The following PLXNA4 variants were observed in gnomAD, a reference collection of about 807,000 sequenced individuals.
PLXNA4 encodes the protein plexin-A4.
In PLXNA4, 44 loss-of-function variants were observed where a neutral mutation model predicts 191.8. The ratio of observed to expected loss-of-function variants is 0.23; its 90% CI spans 0.18 to 0.29. PLXNA4 has a LOEUF of 0.29. Among genes scored for constraint, PLXNA4 ranks in the 10% least tolerant of loss-of-function variants. The pLI is 1.00. For missense variants in PLXNA4, 1,800 were observed against 2,488.8 expected, an observed-to-expected ratio of 0.72 and a Z score of 5.89; for synonymous variants, 1,082 against 1,009.5, an observed-to-expected ratio of 1.07 and a Z score of -1.36.
At chr7:132,413,588 C>T (rs554600933) in intron 3 of PLXNA4, among the ~76,000 whole-genome samples, 9 of 152,188 alleles carry the variant, frequency 5.9e-5, no homozygotes, top group Admixed American at 3.3e-4. Flanking sequence ...GAAAACACAC[C>T]TAAGCAATTC....
rs1305295990 is a variant in PLXNA4 at position 132,210,811 on chromosome 7, G to A, written c.2298+132C>T. 2.2e-5 allele frequency: 22 copies of A among 1,008,896 alleles called. No homozygotes were observed. In the Admixed American group the frequency reaches 4.4e-4, roughly 20 times the overall value. The allele number at this position is 1,008,896 out of a possible 1,614,324, so 62.5% of individuals were successfully genotyped here. A position where few individuals can be genotyped will look rare whatever the true frequency, so the allele number is the denominator to read the frequency against. On this transcript the variant is annotated intron_variant, in intron 10 of 31. Transcript: ENST00000321063. ...CTGGGATGTGCCAGCAGGCATGGGG[G>A]AAGCAGGTAGGCAGTTTTGTGCGTG...
intron 4 of PLXNA4, among the ~76,000 whole-genome samples, chr7:132,256,867 G>C (rs1016587965): frequency 1.3e-5 from 2 of 152,162 alleles, no homozygotes; most frequent in African/African-American, 4.8e-5. Flanking sequence ...CAGGTGGAAG[G>C]CTATGGGGGC....
chr7:132,245,914 G>A (rs997767308), intron 4 of PLXNA4, among the ~76,000 whole-genome samples: 1 of 152,172 alleles, frequency 6.6e-6, no homozygotes, highest in African/African-American at 2.4e-5. Flanking sequence ...GTAGTACGGT[G>A]GTTGCCAGGG....
At chr7:132,315,671 T>A (rs574323812) in intron 3 of PLXNA4, among the ~76,000 whole-genome samples, 8 of 152,324 alleles carry the variant, frequency 5.3e-5, no homozygotes, top group South Asian at 2.1e-4. Context: ...ATGATTGACT[T>A]CTGTTCTGGT....
intron 1 of PLXNA4, among the ~76,000 whole-genome samples, chr7:132,558,851 C>T (rs1412686220): frequency 6.6e-6 from 1 of 152,160 alleles, no homozygotes; most frequent in African/African-American, 2.4e-5. Flanking sequence ...TAAAATGAAA[C>T]ATAAGAAGGT....
At chr7:132,545,246 T>C (rs757435132) in intron 1 of PLXNA4, among the ~76,000 whole-genome samples, 33 of 152,170 alleles carry the variant, frequency 2.2e-4, no homozygotes, top group Non-Finnish European at 4.0e-4. Context: ...CATGCTCCTG[T>C]GGGCAGCTTT....
chr7:132,516,940 G>A (rs1376991105), intron 1 of PLXNA4, among the ~76,000 whole-genome samples: 3 of 152,164 alleles, frequency 2.0e-5, no homozygotes, highest in Non-Finnish European at 2.9e-5. Flanking sequence ...CTGGGTGACA[G>A]AGCAAGACTC....
intron 2 of PLXNA4, among the ~76,000 whole-genome samples, chr7:132,621,044 C>G (rs980530000): frequency 1.3e-5 from 2 of 152,112 alleles, no homozygotes; most frequent in Non-Finnish European, 2.9e-5. Context: ...GGGCTCCACT[C>G]TCATGAGTAA....
At chr7:132,433,982 G>GCCCAT (rs1486676271) in intron 3 of PLXNA4, among the ~76,000 whole-genome samples, 1 of 152,190 alleles carries the variant, frequency 6.6e-6, no homozygotes, top group African/African-American at 2.4e-5. Context: ...ACCAGTGTCA[G>GCCCAT]CCCATCAATG....
chr7:132,193,643 A>G (rs897091258), intron 14 of PLXNA4, among the ~76,000 whole-genome samples: 2 of 152,238 alleles, frequency 1.3e-5, no homozygotes, highest in Non-Finnish European at 2.9e-5. Flanking sequence ...TCCTCATTTT[A>G]TAAATGAAGA....
rs1048442572 is a variant in PLXNA4, at chr7:132,124,851, T to C, written c.*5628A>G. ...ACAAACAGAAAGTTCTTTTTGTATA[T>C]GAAGGATTTTGTTTCGTTTTGTTTA... On this transcript the variant is annotated 3_prime_UTR_variant, in exon 32 of 32. Transcript: ENST00000321063. 4 of 152,258 alleles carry C rather than the reference T, an allele frequency of 2.6e-5. No individual in the cohort carries two copies. In the South Asian group the frequency reaches 6.2e-4, roughly 24 times the overall value. The allele number at this position is 152,258 out of a possible 1,614,324, so 9.4% of individuals were successfully genotyped here.
At chr7:132,251,220 C>A (rs912997181) in intron 4 of PLXNA4, among the ~76,000 whole-genome samples, 1 of 152,134 alleles carries the variant, frequency 6.6e-6, no homozygotes, top group Non-Finnish European at 1.5e-5. Flanking sequence ...ACATACAAGT[C>A]ACCAACCCCC....
At chr7:132,200,214 G>A (rs566284254) in intron 12 of PLXNA4, among the ~76,000 whole-genome samples, 3 of 152,278 alleles carry the variant, frequency 2.0e-5, no homozygotes, top group Admixed American at 6.5e-5. Context: ...TTAATTTGCC[G>A]TCTCCTCCCT....
In PLXNA4 at chr7:132,128,165, C is replaced by A. The variant is rs1794829606; in HGVS notation, c.*2314G>T. ...TTCCTCAGACCGTCTCCCACATGTA[C>A]CCTTTCTGGCCTTCCAGGTCCTGTG... On this transcript the variant is annotated 3_prime_UTR_variant, in exon 32 of 32. Transcript: ENST00000321063. 1 of 152,168 alleles carries A rather than the reference C, an allele frequency of 6.6e-6. No homozygotes were observed. The highest frequency in any genetic ancestry group is 1.5e-5 in the Non-Finnish European group (1 of 68,028). The allele number at this position is 152,168 out of a possible 1,614,324, so 9.4% of individuals were successfully genotyped here. A position where few individuals can be genotyped will look rare whatever the true frequency, so the allele number is the denominator to read the frequency against.
chr7:132,511,006 T>C (rs1798691714), intron 1 of PLXNA4, among the ~76,000 whole-genome samples: 1 of 148,560 alleles, frequency 6.7e-6, no homozygotes, highest in East Asian at 2.0e-4. Flanking sequence ...GCCTCTCCCT[T>C]TCCATTTAGC....
chr7:132,364,567 G>T (rs923078364), intron 3 of PLXNA4, among the ~76,000 whole-genome samples: 1 of 152,224 alleles, frequency 6.6e-6, no homozygotes, highest in Non-Finnish European at 1.5e-5. Context: ...TCATTGAGAA[G>T]TCACTGGACT....
intron 2 of PLXNA4, among the ~76,000 whole-genome samples, chr7:132,506,763 T>C (rs1798481617): frequency 6.6e-6 from 1 of 152,208 alleles, no homozygotes; most frequent in African/African-American, 2.4e-5. Flanking sequence ...ACCCTTCTCC[T>C]GCTCTCCCTC....
rs1037249299 is a variant in PLXNA4, at chr7:132,231,576, C to A, written c.1605-3107G>T. 3.3e-5 allele frequency among the ~76,000 whole-genome samples: 5 copies of A among 152,202 alleles called. No homozygotes were observed. The East Asian group carries it at 9.6e-4, about 29-fold the overall frequency. On this transcript the variant is annotated intron_variant, in intron 5 of 31. Coordinates refer to ENST00000321063, the MANE Select transcript of PLXNA4 (RefSeq NM_020911.2). The stretch of plus-strand genomic sequence containing the variant: ...AGTAGCTGGGACTACAGGCACACAC[C>A]GCCATGCCCAACTAACTTGTATTTT...
chr7:132,367,449 G>A (rs1804232961), intron 3 of PLXNA4, among the ~76,000 whole-genome samples: 1 of 151,972 alleles, frequency 6.6e-6, no homozygotes, highest in African/African-American at 2.4e-5. Context: ...AGGGAAGGAG[G>A]GAGATACAGA....
Sources: gnomAD v4.1 joint callset for allele counts (sites outside exome capture counted in the v4.1 genomes callset) on GRCh38, gnomAD v4.1.1 for gene constraint, MANE v1.5 for transcripts, NCBI Gene and HGNC (gene_info 2026-07-23, HGNC 2026-07-21) for gene names.